DAB1: variants seen among roughly 807,000 people sequenced by gnomAD.
DAB1 encodes disabled homolog 1.
DAB1 carries 15 observed loss-of-function variants against 64.6 expected under a neutral mutation model. The ratio of observed to expected loss-of-function variants is 0.23; its 90% CI spans 0.16 to 0.36. DAB1 has a LOEUF of 0.36. Among genes scored for constraint, DAB1 ranks in the 10% least tolerant of loss-of-function variants. DAB1 has a pLI of 1.00. For synonymous variants in DAB1, 235 were observed against 251.9 expected, an observed-to-expected ratio of 0.93 and a Z score of 0.64; for missense variants, 596 against 706.7, an observed-to-expected ratio of 0.84 and a Z score of 1.78.
At chr1:57,912,767 G>A (rs1188249862) in intron 5 of DAB1, among the ~76,000 whole-genome samples, 4 of 152,112 alleles carry the variant, frequency 2.6e-5, no homozygotes, top group South Asian at 2.1e-4. Context: ...AAATCAATGT[G>A]CAAAAATCAC....
intron 2 of DAB1, among the ~76,000 whole-genome samples, chr1:57,201,766 C>T (rs1283220158): frequency 6.6e-6 from 1 of 152,106 alleles, no homozygotes; most frequent in Non-Finnish European, 1.5e-5. Context: ...TCATATTCAA[C>T]TGGAAGATCT....
intron 6 of DAB1, among the ~76,000 whole-genome samples, chr1:57,816,257 A>G (rs1651850097): frequency 6.6e-6 from 1 of 152,208 alleles, no homozygotes; most frequent in African/African-American, 2.4e-5. Context: ...TCCTTTAACT[A>G]GGTGACCTCT....
intron 5 of DAB1, among the ~76,000 whole-genome samples, chr1:57,927,253 T>C (rs1253918947): frequency 6.6e-6 from 1 of 152,182 alleles, no homozygotes; most frequent in Non-Finnish European, 1.5e-5. Context: ...CAATCTTCCC[T>C]GGGGAGTTTG....
chr1:57,717,421 A>T (rs1647097472), intron 6 of DAB1, among the ~76,000 whole-genome samples: 1 of 152,098 alleles, frequency 6.6e-6, no homozygotes, highest in Admixed American at 6.5e-5. Context: ...AAAAATAACA[A>T]ATGCCATTGA....
intron 4 of DAB1, among the ~76,000 whole-genome samples, chr1:58,257,433 G>A (rs1228201019): frequency 6.6e-6 from 1 of 152,152 alleles, no homozygotes; most frequent in Non-Finnish European, 1.5e-5. Flanking sequence ...CTGCATGCAG[G>A]TGTTAACACC....
chr1:58,477,723 AAAG>A (rs900879510), intron 3 of DAB1, among the ~76,000 whole-genome samples: 11 of 152,186 alleles, frequency 7.2e-5, no homozygotes, highest in Non-Finnish European at 1.5e-5. Flanking sequence ...GAAAGACTGC[AAAG>A]AAAAAAGAGC....
chr1:58,455,938 G>A (rs1415937650), intron 3 of DAB1, among the ~76,000 whole-genome samples: 1 of 152,170 alleles, frequency 6.6e-6, no homozygotes, highest in Non-Finnish European at 1.5e-5. Context: ...CCATAGCAGG[G>A]GCTCCGAGTC....
chr1:57,253,469 C>A lies in DAB1; in HGVS notation c.67+37495G>T, dbSNP rs549575123. Among the ~76,000 whole-genome samples, 6 of 152,154 alleles carry A rather than the reference C, an allele frequency of 3.9e-5. No individual in the cohort carries two copies. In the South Asian group the frequency reaches 1.2e-3, roughly 32 times the overall value. On this transcript the variant is annotated intron_variant, in intron 2 of 14. Transcript: ENST00000371236. ...TGATGAACCAACCCTCCTAAAGATTCCCCAGCAAGGGCCCAAATCACACAG... is the reference window on the plus strand; with the variant it reads ...TGATGAACCAACCCTCCTAAAGATTACCCAGCAAGGGCCCAAATCACACAG...
At chr1:57,379,903 T>C (rs1424008810) in intron 1 of DAB1, among the ~76,000 whole-genome samples, 3 of 152,222 alleles carry the variant, frequency 2.0e-5, no homozygotes, top group Non-Finnish European at 2.9e-5. Flanking sequence ...TATTTCACCA[T>C]TCTGATGCCA....
chr1:58,457,361 G>A (rs59828576), intron 3 of DAB1, among the ~76,000 whole-genome samples: 2,921 of 152,124 alleles, frequency 0.019, 87 homozygotes, highest in African/African-American at 0.067. Flanking sequence ...ACGGTATTTC[G>A]GGGAGGTAGT....
At chr1:57,108,940 G>C (rs1158872915) in intron 4 of DAB1, among the ~76,000 whole-genome samples, 1 of 152,192 alleles carries the variant, frequency 6.6e-6, no homozygotes, top group African/African-American at 2.4e-5. Flanking sequence ...ACCAAGGCTG[G>C]TATTGAGAAC....
chr1:57,179,375 G>A (rs886112687), intron 2 of DAB1, among the ~76,000 whole-genome samples: 2 of 152,154 alleles, frequency 1.3e-5, no homozygotes, highest in Non-Finnish European at 2.9e-5. Context: ...CCAAACCTTC[G>A]TACCTGCAGC....
intron 5 of DAB1, among the ~76,000 whole-genome samples, chr1:58,025,834 G>T (rs1646887243): frequency 6.6e-6 from 1 of 151,400 alleles, no homozygotes; most frequent in Non-Finnish European, 1.5e-5. Flanking sequence ...ATGACCCCTG[G>T]ATAAGTCTCC....
chr1:58,075,921 C>A (rs1318241994), intron 5 of DAB1, among the ~76,000 whole-genome samples: 1 of 147,770 alleles, frequency 6.8e-6, no homozygotes, highest in Non-Finnish European at 1.5e-5. Context: ...ATATCTGTTA[C>A]AAGTCTTTCT....
rs1647697674 is a variant in DAB1 at position 58,051,899 on chromosome 1, T to C, written n.387+98612A>G. 2.6e-5 allele frequency among the ~76,000 whole-genome samples: 4 copies of C among 152,236 alleles called. No individual in the cohort carries two copies. In the South Asian group the frequency reaches 8.3e-4, roughly 32 times the overall value. ...TGTCAACTTTTTGATGGGGTTGTTT[T>C]TTTCTTGTAAATTTGTTTAAGTTCT... On this transcript the variant is annotated intron_variant and non_coding_transcript_variant, in intron 5 of 20. Coordinates refer to the DAB1 transcript ENST00000485760.
chr1:57,187,776 T>TAAG (rs59864425), intron 2 of DAB1, among the ~76,000 whole-genome samples: 24,965 of 152,014 alleles, frequency 0.16, 3,126 homozygotes, highest in African/African-American at 0.35. Flanking sequence ...TGTATGCAGG[T>TAAG]AAGTTCTCAA....
intron 3 of DAB1, among the ~76,000 whole-genome samples, chr1:58,492,842 A>G (rs908983378): frequency 3.9e-5 from 6 of 152,172 alleles, no homozygotes; most frequent in African/African-American, 1.2e-4. Flanking sequence ...GAGGTACAAG[A>G]AGGAGCTGGT....
intron 2 of DAB1, among the ~76,000 whole-genome samples, chr1:57,188,151 T>C (rs572171901): frequency 1.3e-5 from 2 of 152,296 alleles, no homozygotes; most frequent in African/African-American, 2.4e-5. Context: ...CTCGAGTCAC[T>C]GATTAATGAA....
At chr1:57,553,473 A>AAAGGAAGGAAGGAAGGAAGGAAGG (rs71051238) in intron 7 of DAB1, among the ~76,000 whole-genome samples, 4 of 25,598 alleles carry the variant, frequency 1.6e-4, no homozygotes, top group Non-Finnish European at 8.2e-4. Flanking sequence ...AAAGGGAAAG[A>AAAGGAAGGAAGGAAGGAAGGAAGG]AAGGAAGGAA....
Sources: allele counts gnomAD v4.1 joint callset (sites outside exome capture counted in the v4.1 genomes callset), GRCh38; gene constraint gnomAD v4.1.1; transcripts MANE v1.5; gene names NCBI Gene and HGNC (gene_info 2026-07-23, HGNC 2026-07-21).